CEP63: variants seen among roughly 807,000 people sequenced by gnomAD.
CEP63 encodes centrosomal protein of 63 kDa.
In CEP63, 84 loss-of-function variants were observed where a neutral mutation model predicts 89.1. That is an observed-to-expected ratio of 0.94 (90% CI 0.79 to 1.13). The LOEUF is 1.13. CEP63 is among the 50% of genes most tolerant of loss of function. CEP63 has a pLI of 0.00. For missense variants in CEP63, 838 were observed against 813.3 expected (o/e 1.03, Z -0.37); for synonymous variants, 267 against 272.5 (o/e 0.98, Z 0.20).
At chr3:134,506,396 T>G (rs1943462343) in intron 2 of CEP63, among the ~76,000 whole-genome samples, 1 of 152,230 alleles carries the variant, frequency 6.6e-6, no homozygotes, top group Admixed American at 6.5e-5. Context: ...CTTCCAAGGC[T>G]TTTTCCTTTA....
At chr3:134,577,853 A>C (rs1167846332), downstream of CEP63, among the ~76,000 whole-genome samples, 5 of 151,828 alleles carry the variant, frequency 3.3e-5, no homozygotes, top group African/African-American at 4.8e-5. Flanking sequence ...ACTCCCACAT[A>C]TGAGTGAGAA....
At chr3:134,610,226 C>T in the CEP63 span, 18 of 1,613,640 alleles carry the variant, frequency 1.1e-5, no homozygotes, top group Non-Finnish European at 1.4e-5. Flanking sequence ...ATGGTGTCCA[C>T]CAGGCCGCTG....
intron 4 of CEP63, 97 bp from the exon 5 acceptor site, chr3:134,532,681 T>A: frequency 1.1e-6 from 1 of 914,864 alleles, no homozygotes; most frequent in Non-Finnish European, 1.7e-6. Flanking sequence ...TCAGTAGTAC[T>A]GGTTAGCACT....
At chr3:134,698,555 A>C in the CEP63 span, among the ~76,000 whole-genome samples, 4 of 152,192 alleles carry the variant, frequency 2.6e-5, no homozygotes, top group Non-Finnish European at 1.5e-5. Context: ...TCTTGCTGGA[A>C]GTTTGCAGCT....
rs780691730 is a variant in CEP63 at position 134,584,956 on chromosome 3, G to GTTTTTTTTTTTTTTTTTTTTTTTTT, written c.1207-2484_1207-2483insTTTTTTTTTTTTTTTTTTTTTTTTT. On this transcript the variant is annotated intron_variant, in intron 10 of 10. Transcript: ENST00000683931. ...ATCCATTTCTTCTAGATTTTCTAGG[G>GTTTTTTTTTTTTTTTTTTTTTTTTT]TTTTTTTTTTTTTTTTTTGCATGGA... Among the ~76,000 whole-genome samples the GTTTTTTTTTTTTTTTTTTTTTTTTT allele has an allele frequency of 3.0e-3, 108 of 35,876 alleles. 10 individuals are homozygous for GTTTTTTTTTTTTTTTTTTTTTTTTT. Among genetic ancestry groups the GTTTTTTTTTTTTTTTTTTTTTTTTT allele is most frequent in the East Asian group, 8.6e-3 (6 of 696 alleles). 23.5% of individuals were successfully genotyped at this position (35,876 alleles called of 152,430 possible). A position where few individuals can be genotyped will look rare whatever the true frequency, so the allele number is the denominator to read the frequency against.
the CEP63 span, among the ~76,000 whole-genome samples, chr3:134,733,965 A>G: frequency 6.6e-6 from 1 of 152,234 alleles, no homozygotes; most frequent in Admixed American, 6.5e-5. Context: ...CATTCCCGCT[A>G]AAGCAAAGAT....
chr3:134,778,842 G>A, the CEP63 span, among the ~76,000 whole-genome samples: 1 of 152,190 alleles, frequency 6.6e-6, no homozygotes, highest in Non-Finnish European at 1.5e-5. Flanking sequence ...TTACAGGCGT[G>A]AGCCACCGCG....
At chr3:134,688,798 T>C in the CEP63 span, among the ~76,000 whole-genome samples, 1 of 152,214 alleles carries the variant, frequency 6.6e-6, no homozygotes, top group African/African-American at 2.4e-5. Context: ...TCATTTTGGC[T>C]TCCACAAATG....
At chr3:134,647,435 C>T in the CEP63 span, 40 of 1,605,594 alleles carry the variant, frequency 2.5e-5, no homozygotes, top group South Asian at 1.9e-4. Context: ...GAGAATTTAC[C>T]GTGAAAGTCA....
At chr3:134,651,245 G>C in the CEP63 span, 24 of 1,235,924 alleles carry the variant, frequency 1.9e-5, no homozygotes, top group Non-Finnish European at 2.5e-5. Context: ...TAGTCAGCAG[G>C]GGCGGCCGGT....
chr3:134,527,258 A>G (rs947187243), intron 3 of CEP63, among the ~76,000 whole-genome samples: 1 of 152,126 alleles, frequency 6.6e-6, no homozygotes, highest in African/African-American at 2.4e-5. Flanking sequence ...GCACAGTGGC[A>G]CTGGTGGTGG....
chr3:134,723,657 C>T, the CEP63 span, among the ~76,000 whole-genome samples: 3 of 152,188 alleles, frequency 2.0e-5, no homozygotes, highest in African/African-American at 7.2e-5. Flanking sequence ...AAAGGTGAGA[C>T]TCTGCTCTGA....
At chr3:134,626,946 T>G in the CEP63 span, among the ~76,000 whole-genome samples, 1 of 152,018 alleles carries the variant, frequency 6.6e-6, no homozygotes, top group East Asian at 1.9e-4. Flanking sequence ...ATCAGGGCGA[T>G]CTAAGTGCAT....
At chr3:134,779,603 C>T in the CEP63 span, 1 of 152,216 alleles carries the variant, frequency 6.6e-6, no homozygotes, top group Admixed American at 6.5e-5. Flanking sequence ...CCCAGCCTCC[C>T]TTTTAGTTGG....
chr3:134,735,831 T>C, the CEP63 span, among the ~76,000 whole-genome samples: 8 of 152,122 alleles, frequency 5.3e-5, no homozygotes, highest in Non-Finnish European at 1.0e-4. Flanking sequence ...GGTGATTTTA[T>C]AGCAAGTCTG....
At chr3:134,664,220 G>A in the CEP63 span, among the ~76,000 whole-genome samples, 130 of 152,308 alleles carry the variant, frequency 8.5e-4, no homozygotes, top group African/African-American at 3.0e-3. Context: ...GGCCGTCTAG[G>A]AACCAGGGAG....
chr3:134,606,685 T>A, the CEP63 span, among the ~76,000 whole-genome samples: 1 of 152,176 alleles, frequency 6.6e-6, no homozygotes, highest in Non-Finnish European at 1.5e-5. Flanking sequence ...CACGTCTTAG[T>A]GCCTGGTTGT....
the CEP63 span, among the ~76,000 whole-genome samples, chr3:134,645,784 A>G: frequency 1.3e-5 from 2 of 152,206 alleles, no homozygotes; most frequent in African/African-American, 4.8e-5. Context: ...CAGCTGACAC[A>G]TAGTGCTAAG....
chr3:134,610,284 A>G, the CEP63 span: 1 of 1,613,900 alleles, frequency 6.2e-7, no homozygotes, highest in Non-Finnish European at 8.5e-7. Context: ...GGTACACAGC[A>G]TTCCAGGCAT....
Sources: gnomAD v4.1 joint callset for allele counts (sites outside exome capture counted in the v4.1 genomes callset) on GRCh38, gnomAD v4.1.1 for gene constraint, MANE v1.5 for transcripts, NCBI Gene and HGNC (gene_info 2026-07-23, HGNC 2026-07-21) for gene names.